Variants in ZNF804A observed in about 807,000 individuals in gnomAD.
The protein encoded by ZNF804A is zinc finger protein 804A.
A neutral mutation model predicts 16.5 loss-of-function variants in ZNF804A; 2 were observed. The observed-to-expected ratio is 0.12, with a 90% CI of 0.05 to 0.38. ZNF804A has a LOEUF of 0.38. Ranked by LOEUF, ZNF804A falls within the 10% of genes least tolerant of loss-of-function variation. The pLI, the probability that ZNF804A is intolerant of heterozygous loss-of-function variation, is 0.99. For missense variants in ZNF804A, 1,473 were observed against 1,390.7 expected (o/e 1.06, Z -0.94); for synonymous variants, 534 against 489.6 (o/e 1.09, Z -1.20).
chr2:184,823,769 C>G (rs1014495144), intron 1 of ZNF804A, among the ~76,000 whole-genome samples: 1 of 151,850 alleles, frequency 6.6e-6, no homozygotes, highest in Non-Finnish European at 1.5e-5. Context: ...AACCAAAAAC[C>G]CTTTATATAA....
At chr2:184,781,344 TA>T (rs1694368565) in intron 1 of ZNF804A, among the ~76,000 whole-genome samples, 1 of 151,686 alleles carries the variant, frequency 6.6e-6, no homozygotes, top group Non-Finnish European at 1.5e-5. Flanking sequence ...TAAGGAAAAA[TA>T]AGCTATACTT....
intron 1 of ZNF804A, among the ~76,000 whole-genome samples, chr2:184,621,627 T>TA (rs151289251): frequency 1.3e-5 from 2 of 151,840 alleles, no homozygotes; most frequent in East Asian, 1.9e-4. Context: ...GTCCTTTTTT[T>TA]ATAGATTGTA....
chr2:184,646,623 T>G (rs1418977966), intron 1 of ZNF804A, among the ~76,000 whole-genome samples: 1 of 152,154 alleles, frequency 6.6e-6, no homozygotes, highest in African/African-American at 2.4e-5. Context: ...GCCCCACAAC[T>G]CCTGTGCAGA....
intron 1 of ZNF804A, among the ~76,000 whole-genome samples, chr2:184,627,310 G>GA (rs904639236): frequency 9.4e-5 from 14 of 148,684 alleles, no homozygotes; most frequent in African/African-American, 1.2e-4. Flanking sequence ...GTTTTTTCCA[G>GA]AAAAAAAAAT....
chr2:184,855,709 A>G (rs1392191325), intron 1 of ZNF804A, among the ~76,000 whole-genome samples: 1 of 151,928 alleles, frequency 6.6e-6, no homozygotes, highest in Non-Finnish European at 1.5e-5. Context: ...GAAGGTTTTC[A>G]GGAGGAGTGT....
At chr2:184,635,775 GT>G (rs1221606635) in intron 1 of ZNF804A, among the ~76,000 whole-genome samples, 3 of 152,092 alleles carry the variant, frequency 2.0e-5, no homozygotes, top group Non-Finnish European at 4.4e-5. Context: ...TTATTTGCTT[GT>G]TTTTAAAAGA....
At chr2:184,673,924 A>T (rs976225250) in intron 1 of ZNF804A, among the ~76,000 whole-genome samples, 3 of 152,198 alleles carry the variant, frequency 2.0e-5, no homozygotes, top group African/African-American at 7.2e-5. Flanking sequence ...CCATTCTAAA[A>T]ATCAATAGTT....
At chr2:184,921,186 A>G (rs1685522968) in intron 2 of ZNF804A, among the ~76,000 whole-genome samples, 1 of 152,200 alleles carries the variant, frequency 6.6e-6, no homozygotes, top group South Asian at 2.1e-4. Context: ...TTACTTTTCT[A>G]GATGTAAATA....
At chr2:184,923,562 T>C (rs1278322737) in intron 2 of ZNF804A, among the ~76,000 whole-genome samples, 2 of 152,016 alleles carry the variant, frequency 1.3e-5, no homozygotes, top group Non-Finnish European at 2.9e-5. Context: ...GATTGATTGC[T>C]CTAGCTAGGA....
At chr2:184,919,734 C>A (rs766243924) in intron 2 of ZNF804A, among the ~76,000 whole-genome samples, 1 of 152,074 alleles carries the variant, frequency 6.6e-6, no homozygotes, top group African/African-American at 2.4e-5. Flanking sequence ...TTTCTCCTTC[C>A]AAAAACAATG....
rs115360292 is a variant in ZNF804A, at chr2:184,691,081, A to C, written c.111+92011A>C. Among the ~76,000 whole-genome samples the C allele has an allele frequency of 9.1e-3, 1,377 of 152,114 alleles. 22 individuals carry two copies. Among genetic ancestry groups the C allele is most frequent in the African/African-American group, 0.032 (1,317 of 41,550 alleles). On this transcript the variant is annotated intron_variant, in intron 1 of 3. Coordinates refer to ENST00000302277, the MANE Select transcript of ZNF804A (RefSeq NM_194250.2). ...AGATATATTTAGCGGGGTTCACTCC[A>C]TCTGTATGGTACTTTTATGCACAAC...
chr2:184,838,914 T>G (rs1695394441), intron 1 of ZNF804A, among the ~76,000 whole-genome samples: 1 of 152,138 alleles, frequency 6.6e-6, no homozygotes, highest in Admixed American at 6.6e-5. Context: ...TTCTCTGTGT[T>G]AGAAAACTGA....
chr2:184,735,010 C>T (rs966655035), intron 1 of ZNF804A, among the ~76,000 whole-genome samples: 3 of 152,120 alleles, frequency 2.0e-5, no homozygotes, highest in African/African-American at 7.2e-5. Flanking sequence ...GTATTTGCAT[C>T]ATATGTCTTT....
At chr2:184,793,287 C>A (rs186590783) in intron 1 of ZNF804A, among the ~76,000 whole-genome samples, 1 of 152,104 alleles carries the variant, frequency 6.6e-6, no homozygotes, top group Admixed American at 6.6e-5. Context: ...TGGATATATA[C>A]CCGGAAATGA....
intron 1 of ZNF804A, among the ~76,000 whole-genome samples, chr2:184,811,411 A>T (rs553480808): frequency 6.6e-6 from 1 of 151,884 alleles, no homozygotes; most frequent in East Asian, 1.9e-4. Flanking sequence ...TTTTATCATA[A>T]ACTGGTCAAA....
intron 2 of ZNF804A, among the ~76,000 whole-genome samples, chr2:184,875,652 G>A (rs1387605647): frequency 3.3e-5 from 5 of 151,342 alleles, no homozygotes; most frequent in African/African-American, 1.2e-4. Flanking sequence ...TCATAAATCA[G>A]CAATATGTAC....
At chr2:184,750,730 C>G (rs967185475) in intron 1 of ZNF804A, among the ~76,000 whole-genome samples, 2 of 151,374 alleles carry the variant, frequency 1.3e-5, no homozygotes, top group African/African-American at 4.8e-5. Flanking sequence ...GCACAATACA[C>G]TATTGTTAAC....
intron 2 of ZNF804A, among the ~76,000 whole-genome samples, chr2:184,876,744 T>C (rs1558990016): frequency 1.3e-5 from 2 of 152,154 alleles, no homozygotes; most frequent in Non-Finnish European, 2.9e-5. Context: ...AACCTTATGG[T>C]TCTTCCTTCC....
intron 1 of ZNF804A, among the ~76,000 whole-genome samples, chr2:184,721,406 T>G (rs1693312783): frequency 6.6e-6 from 1 of 151,280 alleles, no homozygotes; most frequent in African/African-American, 2.4e-5. Context: ...AAAAAATAAA[T>G]AAAAGTGAGC....
Sources: allele counts gnomAD v4.1 joint callset (sites outside exome capture counted in the v4.1 genomes callset), GRCh38; gene constraint gnomAD v4.1.1; transcripts MANE v1.5; gene names NCBI Gene and HGNC (gene_info 2026-07-23, HGNC 2026-07-21).